The following DST variants were observed in gnomAD, a reference collection of about 807,000 sequenced individuals.
DST encodes the protein dystonin, also known as bullous pemphigoid antigen.
Under a neutral mutation model 875.2 loss-of-function variants are expected in DST, and 253 were observed. That is an observed-to-expected ratio of 0.29 (90% CI 0.26 to 0.32). DST has a LOEUF of 0.32. Ranked by LOEUF, DST falls within the 10% of genes least tolerant of loss-of-function variation. The pLI is 1.00. For missense variants in DST, 8,287 were observed against 9,111.6 expected (o/e 0.91, Z 3.68); for synonymous variants, 3,124 against 3,197.1 (o/e 0.98, Z 0.77).
Position 56,603,994 on chromosome 6 carries a change from T to A in DST, c.10634A>T (p.Glu3545Val), listed in dbSNP as rs779174346. The A allele has an allele frequency of 3.7e-6, 6 of 1,606,776 alleles. No homozygotes were observed. In the Admixed American group the frequency reaches 8.5e-5, roughly 23 times the overall value. Reference protein sequence around the residue: ...KEGNYYSPNLETVKEIGLESS... With the variant: ...KEGNYYSPNLVTVKEIGLESS... ...TTCTAGTCCAATTTCTTTTACAGTTTCTAAATTAGGAGAATAGTAGTTTCC... is the reference window on the plus strand; with the variant it reads ...TTCTAGTCCAATTTCTTTTACAGTTACTAAATTAGGAGAATAGTAGTTTCC... The change falls in exon 40 of 104, where the codon GAA (glutamate) becomes GTA (valine). Residue 3545 changes from glutamate (E) to valine (V), a missense_variant. By Grantham distance (121) the Glu-to-Val change is moderately radical. Coordinates refer to ENST00000680361, the MANE Select transcript of DST (RefSeq NM_001374736.1).
In DST at chr6:56,828,669, C is replaced by T. The variant is rs564750917; in HGVS notation, c.625+22728G>A. 1.1e-4 allele frequency among the ~76,000 whole-genome samples: 16 copies of T among 152,298 alleles called. No individual in the cohort carries two copies. In the South Asian group the frequency reaches 3.1e-3, roughly 30 times the overall value. On this transcript the variant is annotated intron_variant, in intron 4 of 103. Coordinates refer to ENST00000680361, the MANE Select transcript of DST (RefSeq NM_001374736.1). The stretch of plus-strand genomic sequence containing the variant: ...AGTTTAGAGCTTGCTTTTTCCTTTA[C>T]TGACCCTCCTTTTCTGGACTTTAGT...
rs571387112 is a variant in DST, at chr6:56,504,624, C to G, written c.19465-526G>C. Among the ~76,000 whole-genome samples the G allele has an allele frequency of 3.3e-5, 5 of 152,230 alleles. No individual in the cohort carries two copies. In the South Asian group the frequency reaches 8.3e-4, roughly 25 times the overall value. ...TCTGAATTATAACAGGTTTCAGACT[C>G]TCCTGCATTTCTTATTTATTTAGGT... On this transcript the variant is annotated intron_variant, in intron 77 of 103. Transcript: ENST00000680361.
Position 56,535,153 on chromosome 6 carries a change from T to C in DST, c.16910A>G (p.Lys5637Arg), listed in dbSNP as rs1344189546. Residue 5637 changes from lysine to arginine, a missense_variant, in exon 63 of 104, where the codon AAA becomes AGA. Coordinates refer to ENST00000680361, the MANE Select transcript of DST (RefSeq NM_001374736.1). Reference sequence around the variant, plus strand: ...TTCTTGTATCTGGGCCTTTACCACTTTGAACTCAGCCGACGGGGGCTTCTG... The same window carrying C: ...TTCTTGTATCTGGGCCTTTACCACTCTGAACTCAGCCGACGGGGGCTTCTG... ...ANQKPPSAEF[K>R]VVKAQIQEQK... The C allele has an allele frequency of 1.2e-6, 2 of 1,613,826 alleles. No individual in the cohort carries two copies. The highest frequency in any genetic ancestry group is 3.3e-5 in the Admixed American group (2 of 60,004).
chr6:56,570,929 A>G (rs1173897285), intron 53 of DST, among the ~76,000 whole-genome samples: 2 of 152,198 alleles, frequency 1.3e-5, no homozygotes, highest in Non-Finnish European at 2.9e-5. Context: ...TGAGGAAAAC[A>G]TAATGCCACC....
intron 5 of DST, among the ~76,000 whole-genome samples, chr6:56,711,832 C>G (rs1262004151): frequency 2.0e-5 from 3 of 152,090 alleles, no homozygotes; most frequent in African/African-American, 7.2e-5. Flanking sequence ...TGGCTCACGC[C>G]TGTAATCCCA....
At chr6:56,867,795 T>C (rs1030425526) in intron 3 of DST, among the ~76,000 whole-genome samples, 4 of 151,318 alleles carry the variant, frequency 2.6e-5, no homozygotes, top group Non-Finnish European at 5.9e-5. Context: ...ACCGCGCCAC[T>C]GCACTCCAGT....
At chr6:56,780,191 T>C (rs1367590792) in intron 4 of DST, among the ~76,000 whole-genome samples, 3 of 151,974 alleles carry the variant, frequency 2.0e-5, no homozygotes, top group Non-Finnish European at 4.4e-5. Flanking sequence ...AACATACATG[T>C]ACATGTGTCT....
intron 4 of DST, among the ~76,000 whole-genome samples, chr6:56,773,698 T>C (rs1047567028): frequency 5.3e-5 from 8 of 152,198 alleles, no homozygotes; most frequent in Non-Finnish European, 1.2e-4. Flanking sequence ...TCTATTTTTA[T>C]GATATTTCTC....
At chr6:56,493,684 T>C (rs1010364610) in intron 83 of DST, among the ~76,000 whole-genome samples, 2 of 152,110 alleles carry the variant, frequency 1.3e-5, no homozygotes, top group Admixed American at 6.5e-5. Context: ...ATATATATAG[T>C]CTTTTGTTTA....
At chr6:56,779,597 A>G (rs1175949416) in intron 4 of DST, among the ~76,000 whole-genome samples, 2 of 151,958 alleles carry the variant, frequency 1.3e-5, no homozygotes, top group East Asian at 3.9e-4. Flanking sequence ...TCAGCTTTCT[A>G]CATATAGCTA....
Position 56,835,326 on chromosome 6 carries a change from T to C in DST, c.625+16071A>G, listed in dbSNP as rs139863945. ...AACTGTACAACAAAGGAAACCCTAA[T>C]GTAAACTATTAATCTTGTAATCAAC... On this transcript the variant is annotated intron_variant, in intron 4 of 103. Coordinates refer to ENST00000680361, the MANE Select transcript of DST (RefSeq NM_001374736.1). 2.0e-5 allele frequency among the ~76,000 whole-genome samples: 3 copies of C among 152,314 alleles called. No homozygotes were observed. The East Asian group carries it at 5.8e-4, about 29-fold the overall frequency.
chr6:56,843,850 G>A (rs1171502315), intron 4 of DST, among the ~76,000 whole-genome samples: 5 of 152,020 alleles, frequency 3.3e-5, no homozygotes, highest in African/African-American at 1.2e-4. Flanking sequence ...CTCCCTCCCA[G>A]GCAGAGCCAC....
chr6:56,529,852 A>G, intron 65 of DST, 78 bp from the exon 66 acceptor site: 1 of 1,458,058 alleles, frequency 6.9e-7, no homozygotes. Context: ...ATAAAACTAA[A>G]GCATGACATG....
At chr6:56,613,037 A>G (rs1349781194) in intron 37 of DST, among the ~76,000 whole-genome samples, 2 of 152,070 alleles carry the variant, frequency 1.3e-5, no homozygotes, top group Admixed American at 1.3e-4. Flanking sequence ...TCAAAAATAT[A>G]TATATATACA....
intron 92 of DST, 120 bp downstream of exon 92, chr6:56,476,029 T>G: frequency 1.2e-6 from 1 of 868,434 alleles, no homozygotes; most frequent in Non-Finnish European, 1.7e-6. Flanking sequence ...TGTAAGGAGC[T>G]GAGGAGTCTG....
intron 31 of DST, among the ~76,000 whole-genome samples, chr6:56,629,654 C>G (rs563733371): frequency 6.6e-6 from 1 of 152,110 alleles, no homozygotes; most frequent in African/African-American, 2.4e-5. Context: ...AATTTTATAA[C>G]GTTCAGCCTA....
chr6:56,670,984 T>C (rs1283086216), intron 9 of DST, among the ~76,000 whole-genome samples, 177 bp from the exon 10 acceptor site: 1 of 152,228 alleles, frequency 6.6e-6, no homozygotes, highest in Non-Finnish European at 1.5e-5. Context: ...TAAGAGAATG[T>C]GCCACATGTA....
intron 49 of DST, 38 bp downstream of exon 49, chr6:56,592,144 A>C (rs754250850): frequency 6.3e-7 from 1 of 1,575,662 alleles, no homozygotes; most frequent in Non-Finnish European, 8.7e-7. Flanking sequence ...CCTTTCAGTA[A>C]GACTACTGGA....
At chr6:56,486,760 A>G (rs1044034504) in intron 87 of DST, among the ~76,000 whole-genome samples, 2 of 152,188 alleles carry the variant, frequency 1.3e-5, no homozygotes, top group African/African-American at 4.8e-5. Context: ...ACAAGATTCC[A>G]TTTACATTTT....
Sources: allele counts gnomAD v4.1 joint callset (sites outside exome capture counted in the v4.1 genomes callset), GRCh38; gene constraint gnomAD v4.1.1; transcripts MANE v1.5; gene names NCBI Gene and HGNC (gene_info 2026-07-23, HGNC 2026-07-21).